The following CPNE4 variants were observed in gnomAD, a reference collection of about 807,000 sequenced individuals.
CPNE4 encodes the protein copine-4.
Under a neutral mutation model 67.9 loss-of-function variants are expected in CPNE4, and 25 were observed. That is an observed-to-expected ratio of 0.37 (90% CI 0.27 to 0.51). The LOEUF (loss-of-function observed/expected upper bound fraction) is 0.51. CPNE4 is among the 20% of genes least tolerant of loss of function. The pLI, the probability that CPNE4 is intolerant of heterozygous loss-of-function variation, is 0.93. For synonymous variants in CPNE4, 242 were observed against 244.9 expected (o/e 0.99, Z 0.11); for missense variants, 464 against 690.8 (o/e 0.67, Z 3.68).
intron 1 of CPNE4, among the ~76,000 whole-genome samples, chr3:131,931,415 T>C (rs1001272100): frequency 6.6e-6 from 1 of 152,158 alleles, no homozygotes; most frequent in Non-Finnish European, 1.5e-5. Context: ...ATTGTGTCCA[T>C]AAGAGAACAA....
chr3:131,885,739 G>A (rs920808838), intron 2 of CPNE4, among the ~76,000 whole-genome samples: 1 of 151,732 alleles, frequency 6.6e-6, no homozygotes, highest in Non-Finnish European at 1.5e-5. Context: ...CCCTTCCTGT[G>A]TCCATGTGAT....
intron 7 of CPNE4, among the ~76,000 whole-genome samples, chr3:131,659,786 G>T (rs775738914): frequency 2.6e-5 from 4 of 152,014 alleles, no homozygotes; most frequent in Non-Finnish European, 5.9e-5. Flanking sequence ...AGAAAGAATC[G>T]CTTAGGAGCT....
At chr3:131,837,218 T>C (rs545309903) in intron 2 of CPNE4, among the ~76,000 whole-genome samples, 24 of 152,232 alleles carry the variant, frequency 1.6e-4, no homozygotes, top group African/African-American at 5.3e-4. Flanking sequence ...TTCCTGAGTG[T>C]TTACACTAGA....
rs1006929283 is a variant in CPNE4, at chr3:131,687,037, C to T, written c.508-1079G>A. The stretch of plus-strand genomic sequence containing the variant: ...TTTTACGAATCAGCCTTGAGGAATT[C>T]CCTTGAGTGGAAAATCTGCACAGAA... On this transcript the variant is annotated intron_variant, in intron 5 of 15. Coordinates refer to ENST00000429747, the MANE Select transcript of CPNE4 (RefSeq NM_130808.3). Among the ~76,000 whole-genome samples the T allele has an allele frequency of 9.2e-5, 14 of 152,336 alleles. 1 individual carries two copies. Among genetic ancestry groups the T allele is most frequent in the Admixed American group, 6.5e-4 (10 of 15,306 alleles).
intron 2 of CPNE4, among the ~76,000 whole-genome samples, chr3:131,869,202 T>G (rs1352599692): frequency 6.6e-6 from 1 of 152,146 alleles, no homozygotes; most frequent in African/African-American, 2.4e-5. Context: ...TGGACAAATC[T>G]TATCACTTCC....
intron 1 of CPNE4, among the ~76,000 whole-genome samples, chr3:131,976,013 T>C (rs2072641298): frequency 6.6e-6 from 1 of 151,608 alleles, no homozygotes; most frequent in Non-Finnish European, 1.5e-5. Flanking sequence ...AGTAGACTTA[T>C]GGATGCTGAT....
intron 7 of CPNE4, among the ~76,000 whole-genome samples, chr3:131,636,316 C>T (rs1312272729): frequency 1.3e-5 from 2 of 152,066 alleles, no homozygotes; most frequent in African/African-American, 2.4e-5. Context: ...AGTGTGAGAC[C>T]GGCCTTTAGG....
intron 6 of CPNE4, among the ~76,000 whole-genome samples, chr3:131,679,441 GA>G (rs1244797231): frequency 6.6e-6 from 1 of 151,800 alleles, no homozygotes; most frequent in Non-Finnish European, 1.5e-5. Flanking sequence ...GTTCAGCTTT[GA>G]TTTTGGTTAT....
intron 7 of CPNE4, among the ~76,000 whole-genome samples, chr3:131,664,339 T>A (rs1301420209): frequency 6.6e-6 from 1 of 152,186 alleles, no homozygotes; most frequent in Non-Finnish European, 1.5e-5. Flanking sequence ...TTCTGGGTAT[T>A]AACAATATGT....
In CPNE4 at chr3:131,792,708, C is replaced by CGTGTATATATGTATATATATACACGT. The variant is rs1421650216; in HGVS notation, c.181-69109_181-69084dup. Among the ~76,000 whole-genome samples the CGTGTATATATGTATATATATACACGT allele has an allele frequency of 5.8e-4, 39 of 67,236 alleles. 1 individual carries two copies. Among genetic ancestry groups the CGTGTATATATGTATATATATACACGT allele is most frequent in the East Asian group, 9.7e-4 (2 of 2,066 alleles). The allele number at this position is 67,236 out of a possible 152,430, so 44.1% of individuals were successfully genotyped here. A position where few individuals can be genotyped will look rare whatever the true frequency, so the allele number is the denominator to read the frequency against. On this transcript the variant is annotated intron_variant, in intron 2 of 15. Transcript: ENST00000429747. ...ACGTGTATATATACATATACACACA[C>CGTGTATATATGTATATATATACACGT]GTGTATATATGTATATATATACACG...
chr3:131,774,402 G>A (rs897545176), intron 2 of CPNE4, among the ~76,000 whole-genome samples: 10 of 151,914 alleles, frequency 6.6e-5, no homozygotes, highest in African/African-American at 2.4e-4. Flanking sequence ...GTCTTGTGCA[G>A]TGGCCACCAT....
At chr3:131,985,572 A>T (rs1346418628) in intron 1 of CPNE4, among the ~76,000 whole-genome samples, 1 of 152,180 alleles carries the variant, frequency 6.6e-6, no homozygotes, top group Non-Finnish European at 1.5e-5. Flanking sequence ...ATTCAAAAAC[A>T]GGTTTATCTG....
At chr3:131,859,866 C>T (rs2086600987) in intron 2 of CPNE4, among the ~76,000 whole-genome samples, 1 of 152,080 alleles carries the variant, frequency 6.6e-6, no homozygotes, top group Non-Finnish European at 1.5e-5. Flanking sequence ...GAGGCATTCA[C>T]CTTACTTAAA....
At chr3:131,870,957 G>C (rs1046504509) in intron 2 of CPNE4, among the ~76,000 whole-genome samples, 3 of 152,128 alleles carry the variant, frequency 2.0e-5, no homozygotes, top group African/African-American at 4.8e-5. Flanking sequence ...CCTCCATGAA[G>C]AGGTCCTACT....
At chr3:131,952,238 G>C (rs1234721011) in intron 1 of CPNE4, among the ~76,000 whole-genome samples, 1 of 150,542 alleles carries the variant, frequency 6.6e-6, no homozygotes, top group Non-Finnish European at 1.5e-5. Context: ...TGTGAGGAGC[G>C]CCTCTGCCCG....
rs150234381 is a variant in CPNE4 at position 131,787,211 on chromosome 3, C to T, written c.181-63586G>A. On this transcript the variant is annotated intron_variant, in intron 2 of 15. Coordinates refer to ENST00000429747, the MANE Select transcript of CPNE4 (RefSeq NM_130808.3). ...TTTGCCAACTTGGTCTAGAGCAATA[C>T]ATGGGGAGGGAGATGCTGGATGTCA... Among the ~76,000 whole-genome samples, 500 of 152,236 alleles carry T rather than the reference C, an allele frequency of 3.3e-3. 4 individuals carry two copies. The highest frequency in any genetic ancestry group is 0.011 in the African/African-American group (468 of 41,542).
chr3:131,915,951 CAGG>C, intron 1 of CPNE4, among the ~76,000 whole-genome samples: 1 of 152,240 alleles, frequency 6.6e-6, no homozygotes, highest in South Asian at 2.1e-4. Context: ...TTCCCATCTT[CAGG>C]AGAAGAATTT....
chr3:131,768,816 C>A (rs1328072615), intron 2 of CPNE4, among the ~76,000 whole-genome samples: 1 of 152,120 alleles, frequency 6.6e-6, no homozygotes, highest in African/African-American at 2.4e-5. Flanking sequence ...AACTCAAGCC[C>A]CAAACTAGGC....
intron 9 of CPNE4, among the ~76,000 whole-genome samples, chr3:131,577,603 T>C (rs898029834): frequency 6.6e-6 from 1 of 152,042 alleles, no homozygotes; most frequent in Admixed American, 6.6e-5. Flanking sequence ...TAAAATATAA[T>C]AAATGGCACA....
Sources: allele counts gnomAD v4.1 joint callset (sites outside exome capture counted in the v4.1 genomes callset), GRCh38; gene constraint gnomAD v4.1.1; transcripts MANE v1.5; gene names NCBI Gene and HGNC (gene_info 2026-07-23, HGNC 2026-07-21).